SLC22A8: variants seen among roughly 807,000 people sequenced by gnomAD.
SLC22A8 encodes solute carrier family 22 member 8.
In SLC22A8, 40 loss-of-function variants were observed where a neutral mutation model predicts 48.4. That is an observed-to-expected ratio of 0.83 (90% CI 0.64 to 1.08). The LOEUF is 1.08. Among genes scored for constraint, SLC22A8 ranks in the 50% least tolerant of loss-of-function variants. SLC22A8 has a pLI of 0.00. For missense variants in SLC22A8, 606 were observed against 699.0 expected (o/e 0.87, Z 1.50); for synonymous variants, 268 against 286.3 (o/e 0.94, Z 0.65).
At position 62,995,757 on chromosome 11, in the gene SLC22A8, G is replaced by A; in HGVS notation, c.948C>T (p.Asp316=). 3 of 1,614,156 alleles carry A rather than the reference G, an allele frequency of 1.9e-6. No homozygotes were observed. The South Asian group carries it at 3.3e-5, about 18-fold the overall frequency. Residue 316 remains aspartate (D), a synonymous_variant, in exon 7 of 11, where the codon GAC becomes GAT. Coordinates refer to ENST00000336232, the MANE Select transcript of SLC22A8 (RefSeq NM_004254.4). The part of the protein sequence containing the change: ...SLAKAKYTAS[D]LFRIPMLRRM... Reference sequence around the variant, plus strand: ...GGCGCAGCATGGGTATCCGGAACAGGTCACTTGCGGTGTACTTGGCCTTGG... The same window carrying A: ...GGCGCAGCATGGGTATCCGGAACAGATCACTTGCGGTGTACTTGGCCTTGG...
chr11:62,997,048 C>T lies in SLC22A8; in HGVS notation c.762-896G>A, dbSNP rs2086429622. On this transcript the variant is annotated intron_variant, in intron 5 of 10. Transcript: ENST00000336232. ...TGATGGTCTTCTGAGCCTGCTCTTA[C>T]CAAGATTATCAGTGACTTCCTCCCA... Among the ~76,000 whole-genome samples the T allele has an allele frequency of 3.3e-5, 5 of 152,162 alleles. No individual in the cohort carries two copies. The South Asian group carries it at 1.0e-3, about 31-fold the overall frequency.
chr11:63,004,343 C>T (rs1171501064), intron 2 of SLC22A8, among the ~76,000 whole-genome samples: 2 of 152,226 alleles, frequency 1.3e-5, no homozygotes, highest in Non-Finnish European at 2.9e-5. Context: ...CAGCCAACAT[C>T]TTTATCCCTG....
chr11:63,008,499 G>C (rs2086581444), intron 2 of SLC22A8, among the ~76,000 whole-genome samples: 2 of 152,166 alleles, frequency 1.3e-5, no homozygotes, highest in South Asian at 4.1e-4. Context: ...CTGCCACTTA[G>C]GAGCTATGTG....
At chr11:63,010,433 A>G (rs896380847) in intron 2 of SLC22A8, among the ~76,000 whole-genome samples, 1 of 152,128 alleles carries the variant, frequency 6.6e-6, no homozygotes, top group African/African-American at 2.4e-5. Flanking sequence ...TGTGTCAGAG[A>G]CCTACTTCTA....
intron 8 of SLC22A8, 69 bp from the exon 9 acceptor site, chr11:62,993,947 G>A: frequency 1.1e-5 from 10 of 948,488 alleles, no homozygotes; most frequent in Admixed American, 1.8e-5. Context: ...CTCCTTAGCT[G>A]ATCTTGTCTC....
chr11:62,993,918 G>A, intron 8 of SLC22A8, 40 bp from the exon 9 acceptor site: 1 of 1,232,994 alleles, frequency 8.1e-7, no homozygotes, highest in Non-Finnish European at 1.2e-6. Context: ...TGGAGTTCAG[G>A]AGCACCTAAG....
chr11:63,007,041 C>T (rs569366100), intron 2 of SLC22A8, among the ~76,000 whole-genome samples: 8 of 152,286 alleles, frequency 5.3e-5, no homozygotes, highest in Non-Finnish European at 1.0e-4. Flanking sequence ...CCTGAGGAGG[C>T]CCTGTTAAGA....
intron 3 of SLC22A8, 58 bp downstream of exon 3, chr11:63,000,662 G>T (rs1294024820): frequency 8.0e-7 from 1 of 1,253,560 alleles, no homozygotes; most frequent in Non-Finnish European, 1.2e-6. Flanking sequence ...GTGGAGCAGA[G>T]TAGGGAAGGG....
intron 5 of SLC22A8, among the ~76,000 whole-genome samples, 182 bp downstream of exon 5, chr11:62,998,739 C>T (rs985316055): frequency 6.6e-6 from 1 of 152,238 alleles, no homozygotes; most frequent in Non-Finnish European, 1.5e-5. Flanking sequence ...CACGTGCCCC[C>T]ATCCCTGCTC....
intron 7 of SLC22A8, chr11:62,995,110 G>C: frequency 5.5e-6 from 2 of 364,864 alleles, no homozygotes; most frequent in South Asian, 5.3e-5. Context: ...CTGGCGAGGT[G>C]AGCATTGAGC....
chr11:63,010,291 A>T (rs1033142257), intron 2 of SLC22A8, among the ~76,000 whole-genome samples: 5 of 152,152 alleles, frequency 3.3e-5, no homozygotes, highest in Admixed American at 1.3e-4. Flanking sequence ...TCACGATCCC[A>T]CACTGTTTGC....
chr11:63,013,600 T>C (rs551681322), intron 2 of SLC22A8, among the ~76,000 whole-genome samples: 2 of 152,326 alleles, frequency 1.3e-5, no homozygotes, highest in Admixed American at 6.5e-5. Context: ...CCCGTAAACA[T>C]TTGTCTCCCT....
rs2086465056 is a variant in SLC22A8 at position 62,999,514 on chromosome 11, AC to A, written c.592+173del. 7 of 506,014 alleles carry A rather than the reference AC, an allele frequency of 1.4e-5. No individual in the cohort carries two copies. In the South Asian group the frequency reaches 3.1e-4, roughly 22 times the overall value. The allele number at this position is 506,014 out of a possible 1,614,324, so 31.3% of individuals were successfully genotyped here. A position where few individuals can be genotyped will look rare whatever the true frequency, so the allele number is the denominator to read the frequency against. On this transcript the variant is annotated intron_variant, in intron 4 of 10. Coordinates refer to ENST00000336232, the MANE Select transcript of SLC22A8 (RefSeq NM_004254.4). ...GTCCTCAGTATTGACAGCTGCTATT[AC>A]TATGCTTGTTGTCATTTTTAAATTT...
intron 2 of SLC22A8, among the ~76,000 whole-genome samples, chr11:63,010,342 T>C (rs955088682): frequency 6.6e-6 from 1 of 152,226 alleles, no homozygotes; most frequent in African/African-American, 2.4e-5. Context: ...TCACCTGGAC[T>C]GATCTCGCTC....
intron 3 of SLC22A8, among the ~76,000 whole-genome samples, chr11:63,000,489 GA>G (rs59363642): frequency 0.015 from 1,287 of 88,366 alleles, 6 homozygotes; most frequent in Middle Eastern, 0.027. Context: ...CGTCTTAAGA[GA>G]AAAAAAAAAA....
chr11:63,000,328 A>G (rs1207943427), intron 3 of SLC22A8, among the ~76,000 whole-genome samples: 1 of 152,132 alleles, frequency 6.6e-6, no homozygotes, highest in East Asian at 1.9e-4. Context: ...TACTAAAAAT[A>G]CAAAAATTAG....
Position 62,994,670 on chromosome 11 carries a change from C to A in SLC22A8, c.1088G>T (p.Gly363Val), listed in dbSNP as rs1468973405. The part of the protein sequence containing the change: ...VNLYILQIIF[G>V]GVDVPAKFIT... Reference sequence around the variant, plus strand: ...GAACTTGGCTGGGACATCGACCCCACCAAAGATGATCTGGAGGATGTAGAG... The same window carrying A: ...GAACTTGGCTGGGACATCGACCCCAACAAAGATGATCTGGAGGATGTAGAG... The change falls in exon 8 of 11, where the codon GGT becomes GTT. Residue 363 changes from glycine to valine, a missense_variant. Gly to Val is a moderately radical substitution (Grantham distance 109). Transcript: ENST00000336232. 1 of 1,614,102 alleles carries A rather than the reference C, an allele frequency of 6.2e-7. No homozygotes were observed. Among genetic ancestry groups the A allele is most frequent in the South Asian group, 1.1e-5 (1 of 91,092 alleles).
In SLC22A8 at chr11:63,000,729, A is replaced by G. The variant is rs563427402; in HGVS notation, c.428T>C (p.Leu143Pro). 9.9e-6 allele frequency: 16 copies of G among 1,610,692 alleles called. No individual in the cohort carries two copies. Among genetic ancestry groups the G allele is most frequent in the Admixed American group, 3.3e-5 (2 of 60,024 alleles). Reference protein sequence around the residue: ...ILIGGLVLGDLSDRFGRRPIL... With the variant: ...ILIGGLVLGDPSDRFGRRPIL... ...TGCCCCCATGTCTCACCTGTCAGAC[A>G]GGTCTCCAAGCACGAGCCCTCCAAT... is the stretch of plus-strand genomic sequence containing the variant. The change falls in exon 3 of 11, where the codon CTG (leucine) becomes CCG (proline). Residue 143 changes from leucine (L) to proline (P), a missense_variant. Leu to Pro is a moderately conservative substitution (Grantham distance 98). Coordinates refer to ENST00000336232, the MANE Select transcript of SLC22A8 (RefSeq NM_004254.4).
intron 5 of SLC22A8, among the ~76,000 whole-genome samples, chr11:62,997,307 C>T (rs2086433729): frequency 6.6e-6 from 1 of 152,168 alleles, no homozygotes; most frequent in South Asian, 2.1e-4. Context: ...TCACTGCAAC[C>T]TCCACCTCCC....
Sources: allele counts gnomAD v4.1 joint callset (sites outside exome capture counted in the v4.1 genomes callset), GRCh38; gene constraint gnomAD v4.1.1; transcripts MANE v1.5; gene names NCBI Gene and HGNC (gene_info 2026-07-23, HGNC 2026-07-21).